Variants in EPHA3 observed in about 807,000 individuals in gnomAD.
EPHA3 encodes the protein EPH receptor A3, also known as ephrin type-A receptor 3.
EPHA3 carries 42 observed loss-of-function variants against 107.1 expected under a neutral mutation model. The observed-to-expected ratio is 0.39, with a 90% CI of 0.31 to 0.51. The LOEUF is 0.51. Among genes scored for constraint, EPHA3 ranks in the 20% least tolerant of loss-of-function variants. The pLI, the probability that EPHA3 is intolerant of heterozygous loss-of-function variation, is 0.78. For missense variants in EPHA3, 1,183 were observed against 1,211.2 expected, an observed-to-expected ratio of 0.98 and a Z score of 0.35; for synonymous variants, 461 against 424.8, an observed-to-expected ratio of 1.09 and a Z score of -1.05.
chr3:89,109,538 TGTAGCTGTTA>T (rs1576154397), intron 1 of EPHA3, among the ~76,000 whole-genome samples: 1 of 152,000 alleles, frequency 6.6e-6, no homozygotes, highest in East Asian at 1.9e-4. Flanking sequence ...TGCACAAGAA[TGTAGCTGTTA>T]GTCAGTATTT....
chr3:89,156,879 A>ATT (rs71105117), intron 2 of EPHA3, among the ~76,000 whole-genome samples: 14 of 147,882 alleles, frequency 9.5e-5, no homozygotes, highest in South Asian at 4.3e-4. Flanking sequence ...TACACATTTT[A>ATT]TTTTTTTTTT....
chr3:89,468,595 G>A (rs1430067029), intron 15 of EPHA3, among the ~76,000 whole-genome samples: 1 of 152,184 alleles, frequency 6.6e-6, no homozygotes, highest in African/African-American at 2.4e-5. Context: ...AGCTACTGTA[G>A]ACAGAGAAAC....
chr3:89,269,697 G>T (rs1226587883), intron 3 of EPHA3, among the ~76,000 whole-genome samples: 1 of 150,232 alleles, frequency 6.7e-6, no homozygotes, highest in African/African-American at 2.5e-5. Flanking sequence ...CTGGTGCGCT[G>T]CACCCACTAA....
At chr3:89,446,246 T>A (rs1343464549) in intron 13 of EPHA3, among the ~76,000 whole-genome samples, 2 of 152,158 alleles carry the variant, frequency 1.3e-5, no homozygotes, top group Non-Finnish European at 1.5e-5. Flanking sequence ...CCCAGGCAAG[T>A]TAAGAGATTC....
At chr3:89,165,408 T>C (rs991694432) in intron 2 of EPHA3, among the ~76,000 whole-genome samples, 1 of 152,226 alleles carries the variant, frequency 6.6e-6, no homozygotes, top group African/African-American at 2.4e-5. Context: ...TTATTTTTAA[T>C]AAATGCAATG....
At chr3:89,164,263 G>T (rs971482634) in intron 2 of EPHA3, among the ~76,000 whole-genome samples, 2 of 152,140 alleles carry the variant, frequency 1.3e-5, no homozygotes, top group African/African-American at 4.8e-5. Context: ...TAGCTAATGA[G>T]CTTAAAAAAT....
At chr3:89,263,242 A>G (rs1705462493) in intron 3 of EPHA3, among the ~76,000 whole-genome samples, 1 of 151,968 alleles carries the variant, frequency 6.6e-6, no homozygotes, top group African/African-American at 2.4e-5. Flanking sequence ...GCTGAGAATG[A>G]TAATTTCCAG....
chr3:89,254,644 C>T (rs886696359), intron 3 of EPHA3, among the ~76,000 whole-genome samples: 3 of 152,220 alleles, frequency 2.0e-5, no homozygotes, highest in Non-Finnish European at 4.4e-5. Context: ...GCTTCCACCC[C>T]ACTCCCTTAT....
At chr3:89,348,068 A>G (rs1311143374) in intron 5 of EPHA3, among the ~76,000 whole-genome samples, 2 of 149,976 alleles carry the variant, frequency 1.3e-5, no homozygotes, top group African/African-American at 4.9e-5. Context: ...ATATTGGTCT[A>G]AAATTCTCTT....
chr3:89,310,449 A>G (rs1465061042), intron 3 of EPHA3, among the ~76,000 whole-genome samples: 5 of 151,962 alleles, frequency 3.3e-5, no homozygotes. Flanking sequence ...GGTTAACTGA[A>G]AAGCACTTTG....
chr3:89,402,866 C>G (rs1411411327), intron 7 of EPHA3, among the ~76,000 whole-genome samples: 1 of 152,046 alleles, frequency 6.6e-6, no homozygotes, highest in South Asian at 2.1e-4. Flanking sequence ...TTAGTAGAGA[C>G]GGGGTTTCAC....
At chr3:89,159,621 GAA>G (rs1389987798) in intron 2 of EPHA3, among the ~76,000 whole-genome samples, 3 of 152,138 alleles carry the variant, frequency 2.0e-5, no homozygotes, top group South Asian at 2.1e-4. Context: ...TGGAACTACA[GAA>G]AATAAGTGAG....
chr3:89,460,915 C>T (rs1215150894), intron 15 of EPHA3, among the ~76,000 whole-genome samples: 18 of 123,744 alleles, frequency 1.5e-4, no homozygotes, highest in South Asian at 4.9e-4. Context: ...CATGCTGGTG[C>T]GCTGCACCCA....
chr3:89,121,749 C>G (rs974072102), intron 1 of EPHA3, among the ~76,000 whole-genome samples: 1 of 63,246 alleles, frequency 1.6e-5, no homozygotes, highest in Non-Finnish European at 3.2e-5. Flanking sequence ...CAGGGAGACC[C>G]CGTCTCAAAA....
intron 5 of EPHA3, among the ~76,000 whole-genome samples, chr3:89,342,402 T>G (rs753253657): frequency 3.4e-4 from 51 of 152,106 alleles, no homozygotes; most frequent in Non-Finnish European, 7.1e-4. Flanking sequence ...TTCAGAGAAC[T>G]TAGGCAATGA....
intron 7 of EPHA3, among the ~76,000 whole-genome samples, chr3:89,404,816 T>C (rs1709027372): frequency 6.6e-6 from 1 of 152,212 alleles, no homozygotes; most frequent in African/African-American, 2.4e-5. Flanking sequence ...TCACTGAGCT[T>C]TATTTTATAA....
At chr3:89,226,921 A>G (rs1704515139) in intron 3 of EPHA3, among the ~76,000 whole-genome samples, 1 of 152,090 alleles carries the variant, frequency 6.6e-6, no homozygotes, top group Non-Finnish European at 1.5e-5. Flanking sequence ...ATTGTTGAGT[A>G]TAAAGTGGAG....
intron 2 of EPHA3, among the ~76,000 whole-genome samples, chr3:89,164,864 C>G (rs1277495790): frequency 3.3e-5 from 5 of 152,108 alleles, no homozygotes; most frequent in Admixed American, 3.3e-4. Flanking sequence ...ATGAAATTAT[C>G]TGATAATACT....
At chr3:89,341,185 G>A in intron 4 of EPHA3, 114 bp downstream of exon 4, 3 of 1,143,862 alleles carry the variant, frequency 2.6e-6, no homozygotes, top group East Asian at 2.6e-5. Flanking sequence ...TTGCCCGTGT[G>A]CAAATTGAAA....
Sources: allele counts gnomAD v4.1 joint callset (sites outside exome capture counted in the v4.1 genomes callset), GRCh38; gene constraint gnomAD v4.1.1; transcripts MANE v1.5; gene names NCBI Gene and HGNC (gene_info 2026-07-23, HGNC 2026-07-21).